The following ZPBP variants were observed in gnomAD, a reference collection of about 807,000 sequenced individuals.
ZPBP encodes zona pellucida binding protein.
ZPBP carries 26 observed loss-of-function variants against 44.8 expected under a neutral mutation model. The ratio of observed to expected loss-of-function variants is 0.58; its 90% CI spans 0.43 to 0.81. The LOEUF (loss-of-function observed/expected upper bound fraction) is 0.81. Ranked by LOEUF, ZPBP falls within the 30% of genes least tolerant of loss-of-function variation. ZPBP has a pLI of 0.00. For synonymous variants in ZPBP, 174 were observed against 153.2 expected, an observed-to-expected ratio of 1.14 and a Z score of -1.00; for missense variants, 409 against 434.0, an observed-to-expected ratio of 0.94 and a Z score of 0.51.
chr7:49,866,303 A>G (rs545832803), intron 2 of ZPBP, among the ~76,000 whole-genome samples: 4 of 152,308 alleles, frequency 2.6e-5, no homozygotes, highest in African/African-American at 9.6e-5. Flanking sequence ...CTATGGCCTA[A>G]CACTGGTTGC....
intron 7 of ZPBP, among the ~76,000 whole-genome samples, chr7:49,952,313 G>T (rs796768416): frequency 4.6e-5 from 7 of 152,074 alleles, no homozygotes; most frequent in African/African-American, 1.7e-4. Context: ...ATAATCAAAA[G>T]GAGAGGTCAG....
chr7:50,036,803 C>T (rs761959506), intron 4 of ZPBP, among the ~76,000 whole-genome samples: 33 of 151,836 alleles, frequency 2.2e-4, no homozygotes, highest in African/African-American at 4.8e-5. Flanking sequence ...AACTGTACAA[C>T]TCAAGAGTCT....
chr7:49,877,006 T>G (rs1791439065), intron 2 of ZPBP, among the ~76,000 whole-genome samples: 1 of 152,150 alleles, frequency 6.6e-6, no homozygotes, highest in Non-Finnish European at 1.5e-5. Context: ...TAGGACAGTC[T>G]TGGGGTGCAG....
intron 6 of ZPBP, among the ~76,000 whole-genome samples, chr7:50,012,224 G>A (rs1447386925): frequency 3.3e-5 from 5 of 151,734 alleles, no homozygotes; most frequent in East Asian, 3.9e-4. Context: ...TTTGAGACAC[G>A]CAACTCACTA....
intron 1 of ZPBP, among the ~76,000 whole-genome samples, chr7:49,927,698 G>A (rs538967085): frequency 1.8e-4 from 28 of 152,208 alleles, no homozygotes; most frequent in African/African-American, 2.4e-4. Context: ...CACCATAAGC[G>A]TACTCAGCAG....
intron 1 of ZPBP, among the ~76,000 whole-genome samples, chr7:49,904,087 G>A (rs1460842432): frequency 6.6e-6 from 1 of 152,200 alleles, no homozygotes; most frequent in Non-Finnish European, 1.5e-5. Flanking sequence ...ATGGCTGGCA[G>A]AGAAGGGAAG....
At chr7:50,033,237 ATAGTTATTTGCATAACAT>A (rs759402844) in intron 4 of ZPBP, among the ~76,000 whole-genome samples, 5 of 152,188 alleles carry the variant, frequency 3.3e-5, no homozygotes, top group Non-Finnish European at 4.4e-5. Flanking sequence ...TTATGGCAAT[ATAGTTATTTGCATAACAT>A]TAATAAGAAT....
chr7:49,985,409 A>G (rs1797218203), intron 6 of ZPBP, among the ~76,000 whole-genome samples: 2 of 152,300 alleles, frequency 1.3e-5, no homozygotes, highest in African/African-American at 2.4e-5. Context: ...TGCAGTTTCC[A>G]GAAGCCTATT....
chr7:50,000,912 G>A (rs1389799296), intron 6 of ZPBP, among the ~76,000 whole-genome samples: 2 of 151,996 alleles, frequency 1.3e-5, no homozygotes, highest in Non-Finnish European at 2.9e-5. Flanking sequence ...CCTTTTAAGA[G>A]GTAATTAGGG....
intron 7 of ZPBP, among the ~76,000 whole-genome samples, chr7:49,963,165 GTT>G (rs34672206): frequency 4.6e-5 from 7 of 150,870 alleles, no homozygotes; most frequent in African/African-American, 1.2e-4. Flanking sequence ...TATTAGGATG[GTT>G]TTTTTTAATT....
At chr7:49,847,849 G>A (rs1444870683), downstream of ZPBP, among the ~76,000 whole-genome samples, 2 of 152,154 alleles carry the variant, frequency 1.3e-5, no homozygotes, top group African/African-American at 4.8e-5. Context: ...CGCAGAGGAG[G>A]TCATGGGGAT....
chr7:49,872,915 C>CAAAAAAAAAAAAAAAAAA (rs61473396), intron 2 of ZPBP, among the ~76,000 whole-genome samples: 26 of 33,948 alleles, frequency 7.7e-4, no homozygotes, highest in East Asian at 4.5e-3. Context: ...GACTTTGTCT[C>CAAAAAAAAAAAAAAAAAA]AAAAAAAAAA....
intron 2 of ZPBP, among the ~76,000 whole-genome samples, chr7:50,082,782 T>A (rs1802434641): frequency 6.6e-6 from 1 of 151,948 alleles, no homozygotes; most frequent in African/African-American, 2.4e-5. Flanking sequence ...TAAACATAAA[T>A]CAGCACTGAA....
intron 4 of ZPBP, among the ~76,000 whole-genome samples, chr7:50,052,241 AAACCC>A (rs1213583738): frequency 6.6e-6 from 1 of 152,176 alleles, no homozygotes; most frequent in African/African-American, 2.4e-5. Flanking sequence ...AAATATCAAA[AAACCC>A]AATGTTAATA....
At chr7:49,877,481 A>AAATATAT in intron 2 of ZPBP, among the ~76,000 whole-genome samples, 1 of 12,722 alleles carries the variant, frequency 7.9e-5, no homozygotes, top group Admixed American at 1.4e-3. Context: ...AAAAAAAAAA[A>AAATATAT]ATATATATAT....
At chr7:49,901,939 T>C (rs1390249859) in intron 1 of ZPBP, among the ~76,000 whole-genome samples, 1 of 141,270 alleles carries the variant, frequency 7.1e-6, no homozygotes, top group East Asian at 2.0e-4. Flanking sequence ...AATGGAACAA[T>C]GATAGTTTTT....
chr7:49,982,384 A>C (rs1797065327), intron 7 of ZPBP, among the ~76,000 whole-genome samples: 2 of 135,656 alleles, frequency 1.5e-5, no homozygotes, highest in South Asian at 4.3e-4. Context: ...TAATATATAT[A>C]ATCACTGATT....
intron 5 of ZPBP, among the ~76,000 whole-genome samples, chr7:50,027,756 T>C (rs1463403534): frequency 6.6e-6 from 1 of 151,730 alleles, no homozygotes; most frequent in Non-Finnish European, 1.5e-5. Context: ...CTTTCAGAAA[T>C]AAAAAGGATA....
chr7:49,980,289 AAATATAT>A (rs1275434777), intron 7 of ZPBP, among the ~76,000 whole-genome samples: 2 of 47,340 alleles, frequency 4.2e-5, no homozygotes, highest in Non-Finnish European at 8.9e-5. Flanking sequence ...TATATAATAT[AAATATAT>A]AATATATATA....
Sources: gnomAD v4.1 joint callset for allele counts (sites outside exome capture counted in the v4.1 genomes callset) on GRCh38, gnomAD v4.1.1 for gene constraint, MANE v1.5 for transcripts, NCBI Gene and HGNC (gene_info 2026-07-23, HGNC 2026-07-21) for gene names.